LONRF1: variants seen among roughly 807,000 people sequenced by gnomAD.
LONRF1 encodes LON peptidase N-terminal domain and ring finger 1, also known as LON peptidase N-terminal domain and RING finger protein 1.
In LONRF1, 37 loss-of-function variants were observed where a neutral mutation model predicts 85.8. The observed-to-expected ratio is 0.43, with a 90% CI of 0.33 to 0.57. LONRF1 has a LOEUF of 0.57. Among genes scored for constraint, LONRF1 ranks in the 20% least tolerant of loss-of-function variants. The pLI is 0.04. For missense variants in LONRF1, 1,036 were observed against 978.0 expected (o/e 1.06, Z -0.79); for synonymous variants, 517 against 390.1 (o/e 1.33, Z -3.83).
At chr8:12,723,329 T>TAGTAATTTTTTGGTGG in intron 11 of LONRF1, 75 bp from the exon 12 acceptor site, 1 of 1,376,420 alleles carries the variant, frequency 7.3e-7, no homozygotes, top group Non-Finnish European at 1.0e-6. Flanking sequence ...CACCAAAAAA[T>TAGTAATTTTTTGGTGG]TACTATTTAT....
At chr8:12,741,846 G>A (rs1798945084) in intron 2 of LONRF1, among the ~76,000 whole-genome samples, 1 of 152,112 alleles carries the variant, frequency 6.6e-6, no homozygotes, top group South Asian at 2.1e-4. Flanking sequence ...CATAATGTGA[G>A]TTCAGCAAAC....
intron 7 of LONRF1, among the ~76,000 whole-genome samples, chr8:12,733,027 C>T (rs1360726670): frequency 1.3e-5 from 2 of 152,194 alleles, no homozygotes; most frequent in African/African-American, 2.4e-5. Context: ...GCATGAATCG[C>T]GGCTTGTTAA....
rs117550041 is a variant in LONRF1 at position 12,746,008 on chromosome 8, T to C, written c.722-2726A>G. 4.2e-3 allele frequency among the ~76,000 whole-genome samples: 645 copies of C among 152,268 alleles called. 5 individuals are homozygous for C. The highest frequency in any genetic ancestry group is 6.8e-3 in the Non-Finnish European group (464 of 68,020). On this transcript the variant is annotated intron_variant, in intron 1 of 11. Coordinates refer to ENST00000398246, the MANE Select transcript of LONRF1 (RefSeq NM_152271.5). ...CATAATTTTTCTAAACTCAGCATTC[T>C]TCACCAAAAAAGCATTTTTCATTGT...
chr8:12,754,378 G>A (rs113111149), intron 1 of LONRF1: 20,314 of 227,004 alleles, frequency 0.089, 1,155 homozygotes, highest in Non-Finnish European at 0.12. Context: ...CCCGCGCCGG[G>A]GCGGCCTCGG....
chr8:12,755,106 C>G lies in LONRF1; in HGVS notation c.315G>C (p.Trp105Cys), dbSNP rs1397177646. 6 of 1,462,756 alleles carry G rather than the reference C, an allele frequency of 4.1e-6. No individual in the cohort carries two copies. The highest frequency in any genetic ancestry group is 3.0e-5 in the East Asian group (1 of 33,074). The allele number at this position is 1,462,756 out of a possible 1,614,324, so 90.6% of individuals were successfully genotyped here. ...FNYRLRHGLG[W>C]SAAPVAGADG... ...CAGCGCCTGCAACCGGGGCCGCGCT[C>G]CAGCCCAGCCCGTGGCGGAGCCGGT... Residue 105 changes from tryptophan (W) to cysteine (C), a missense_variant, in exon 1 of 12, where the codon TGG becomes TGC. Trp to Cys is a radical substitution (Grantham distance 215). Transcript: ENST00000398246.
intron 8 of LONRF1, among the ~76,000 whole-genome samples, chr8:12,729,554 C>T (rs956854846): frequency 2.6e-5 from 4 of 152,102 alleles, no homozygotes; most frequent in Non-Finnish European, 4.4e-5. Context: ...TGCTGTGATC[C>T]TCTTATTTAT....
At chr8:12,751,990 T>TATATTAATG (rs1799425710) in intron 1 of LONRF1, among the ~76,000 whole-genome samples, 1 of 152,210 alleles carries the variant, frequency 6.6e-6, no homozygotes, top group Admixed American at 6.5e-5. Flanking sequence ...CAACAGAAAC[T>TATATTAATG]TATGTAATCT....
chr8:12,737,883 C>A, intron 4 of LONRF1, 112 bp downstream of exon 4: 6 of 1,055,828 alleles, frequency 5.7e-6, no homozygotes, highest in South Asian at 3.6e-5. Context: ...GATAACTAAC[C>A]AGGTTAAAAG....
chr8:12,725,661 T>C, intron 11 of LONRF1, 66 bp downstream of exon 11: 1 of 1,495,066 alleles, frequency 6.7e-7, no homozygotes, highest in Non-Finnish European at 9.2e-7. Context: ...AGAAAACAAA[T>C]GTAGAAGTGT....
intron 2 of LONRF1, among the ~76,000 whole-genome samples, chr8:12,742,955 G>A (rs147568998): frequency 9.9e-5 from 15 of 152,154 alleles, no homozygotes; most frequent in Non-Finnish European, 2.1e-4. Flanking sequence ...CAAACTCCTG[G>A]GCTCAAGCAA....
rs1798271270 is a variant in LONRF1 at position 12,725,707 on chromosome 8, G to A, written c.2163+20C>T. On this transcript the variant is annotated intron_variant, in intron 11 of 11. Transcript: ENST00000398246. ...GTTTATAAAAAAGTGACTTTTGGAA[G>A]AACAGAAAAGCCACCATACCTGAAG... 1 of 1,593,298 alleles carries A rather than the reference G, an allele frequency of 6.3e-7. No individual in the cohort carries two copies. Among genetic ancestry groups the A allele is most frequent in the Non-Finnish European group, 8.6e-7 (1 of 1,166,962 alleles).
Position 12,725,046 on chromosome 8 carries a change from C to T in LONRF1, c.2163+681G>A, listed in dbSNP as rs896261491. Among the ~76,000 whole-genome samples the T allele has an allele frequency of 1.4e-4, 21 of 152,198 alleles. 1 individual carries two copies. Among genetic ancestry groups the T allele is most frequent in the African/African-American group, 4.3e-4 (18 of 41,456 alleles). ...ACATTTAGTTCAATTCAAAATGCTA[C>T]GATGCCTAAAACGTAGTGCTTTAGT... On this transcript the variant is annotated intron_variant, in intron 11 of 11. Transcript: ENST00000398246.
chr8:12,745,211 T>G (rs1799098411), intron 1 of LONRF1, among the ~76,000 whole-genome samples: 1 of 151,388 alleles, frequency 6.6e-6, no homozygotes, highest in African/African-American at 2.4e-5. Context: ...ATGCACGCCC[T>G]AAGTAGAGAT....
At chr8:12,748,868 G>T (rs1799268887) in intron 1 of LONRF1, among the ~76,000 whole-genome samples, 1 of 150,078 alleles carries the variant, frequency 6.7e-6, no homozygotes, top group South Asian at 2.1e-4. Context: ...GGTTACCAGG[G>T]TTGAGCTCAA....
At chr8:12,749,485 T>C (rs1299572699) in intron 1 of LONRF1, among the ~76,000 whole-genome samples, 1 of 152,220 alleles carries the variant, frequency 6.6e-6, no homozygotes, top group Non-Finnish European at 1.5e-5. Context: ...ACAAATTCAT[T>C]TAAAATTTTA....
intron 11 of LONRF1, among the ~76,000 whole-genome samples, chr8:12,724,141 T>C (rs995405081): frequency 6.6e-6 from 1 of 152,206 alleles, no homozygotes; most frequent in African/African-American, 2.4e-5. Context: ...TACCTCTTCA[T>C]CTGCATTCCA....
chr8:12,742,028 C>T (rs987817765), intron 2 of LONRF1, among the ~76,000 whole-genome samples: 6 of 152,162 alleles, frequency 3.9e-5, no homozygotes, highest in African/African-American at 9.6e-5. Flanking sequence ...GCCTAAAGAA[C>T]GTTCTAGCCA....
At chr8:12,728,430 T>C (rs765526740) in intron 10 of LONRF1, among the ~76,000 whole-genome samples, 1 of 152,226 alleles carries the variant, frequency 6.6e-6, no homozygotes, top group Non-Finnish European at 1.5e-5. Context: ...AATCTTAATA[T>C]ATAAAACAAT....
At chr8:12,726,338 GCA>G (rs1471583096) in intron 10 of LONRF1, among the ~76,000 whole-genome samples, 2 of 152,158 alleles carry the variant, frequency 1.3e-5, no homozygotes, top group African/African-American at 4.8e-5. Context: ...AGGAGTCCAG[GCA>G]CAGTTACATC....
Sources: allele counts gnomAD v4.1 joint callset (sites outside exome capture counted in the v4.1 genomes callset), GRCh38; gene constraint gnomAD v4.1.1; transcripts MANE v1.5; gene names NCBI Gene and HGNC (gene_info 2026-07-23, HGNC 2026-07-21).